Variants in CORO7 observed in about 807,000 individuals in gnomAD.
CORO7 encodes coronin-7.
A neutral mutation model predicts 126.6 loss-of-function variants in CORO7; 107 were observed. The ratio of observed to expected loss-of-function variants is 0.85; its 90% CI spans 0.72 to 0.99. CORO7 has a LOEUF of 0.99. Among genes scored for constraint, CORO7 ranks in the 50% least tolerant of loss-of-function variants. The probability of loss-of-function intolerance (pLI) is 0.00; values close to 1 mark genes in which losing one functional copy is unlikely to be tolerated. For synonymous variants in CORO7, 603 were observed against 536.8 expected (o/e 1.12, Z -1.70); for missense variants, 1,314 against 1,255.8 (o/e 1.05, Z -0.70).
intron 6 of CORO7, among the ~76,000 whole-genome samples, chr16:4,403,202 A>T (rs2055876735): frequency 6.6e-6 from 1 of 152,162 alleles, no homozygotes; most frequent in South Asian, 2.1e-4. Context: ...GCCACAGCTC[A>T]GGACAAGCCC....
chr16:4,405,707 C>G lies in CORO7; in HGVS notation c.488-140G>C, dbSNP rs570953522. 138 of 964,736 alleles carry G rather than the reference C, an allele frequency of 1.4e-4. 2 individuals carry two copies. In the East Asian group the frequency reaches 3.4e-3, roughly 24 times the overall value. The allele number at this position is 964,736 out of a possible 1,614,324, so 59.8% of individuals were successfully genotyped here. A position where few individuals can be genotyped will look rare whatever the true frequency, so the allele number is the denominator to read the frequency against. On this transcript the variant is annotated intron_variant, in intron 5 of 27. Transcript: ENST00000251166. ...TTTTCAGCCAAGGGGGCAAGGGCAG[C>G]AGCTTCTCCCAGACAGGCTTCCCCT...
chr16:4,381,992 C>G, intron 9 of CORO7: 2 of 1,606,958 alleles, frequency 1.2e-6, no homozygotes, highest in Non-Finnish European at 1.7e-6. Context: ...ACAGCCTTGT[C>G]TTCTAGCTTG....
At position 4,388,604 on chromosome 16, in the gene CORO7, C is replaced by G. The variant is rs149365025; in HGVS notation, c.643G>C (p.Asp215His). The G allele has an allele frequency of 1.9e-6, 3 of 1,612,920 alleles. No individual in the cohort carries two copies. In the East Asian group the frequency reaches 6.7e-5, roughly 36 times the overall value. Residue 215 changes from aspartate to histidine, a missense_variant, in exon 8 of 28, where the codon GAT (aspartate) becomes CAT (histidine). Transcript: ENST00000251166. ...GTGCCCATCCATGCCAGCCGGCTAT[C>G]CCTGCTGTTCTCATGGGCCTGCGTG... ...QSTQAHENSR[D>H]SRLAWMGTWE... is the part of the protein sequence containing the mutation.
At chr16:4,386,432 A>G (rs145555874) in intron 9 of CORO7, among the ~76,000 whole-genome samples, 2 of 152,272 alleles carry the variant, frequency 1.3e-5, no homozygotes, top group Non-Finnish European at 2.9e-5. Context: ...GTCCCTTCAC[A>G]CAAATGCCTC....
chr16:4,376,181 T>C (rs1203966985), intron 9 of CORO7, among the ~76,000 whole-genome samples: 2 of 152,124 alleles, frequency 1.3e-5, no homozygotes, highest in Non-Finnish European at 2.9e-5. Context: ...ACCCCTGACC[T>C]CTCTGCCCTG....
chr16:4,362,154 C>T lies in CORO7; in HGVS notation c.1409G>A (p.Ser470Asn), dbSNP rs1300507752. ...LRSLQSLLGP[S>N]SKFRHAQGTV... The stretch of plus-strand genomic sequence containing the variant: ...GCCCTGAGCATGGCGGAACTTGGAA[C>T]TGGGGCCTGGCAGGTGGCAGGGACA... The change falls in exon 16 of 28, where the codon AGT (serine) becomes AAT (asparagine). Residue 470 changes from serine (S) to asparagine (N), a missense_variant. Physicochemically the swap from Ser to Asn is conservative, Grantham distance 46. Coordinates refer to ENST00000251166, the MANE Select transcript of CORO7 (RefSeq NM_024535.5). This position sits in a 1 kb window ranked among gnomAD's most constrained non-coding sequence, Gnocchi z 5.3. 1.2e-6 allele frequency: 2 copies of T among 1,606,848 alleles called. No homozygotes were observed. Among genetic ancestry groups the T allele is most frequent in the Non-Finnish European group, 8.5e-7 (1 of 1,177,564 alleles).
chr16:4,369,853 C>T (rs75345455), intron 9 of CORO7, among the ~76,000 whole-genome samples: 6,185 of 152,236 alleles, frequency 0.041, 187 homozygotes, highest in Non-Finnish European at 0.061. Flanking sequence ...CCTCCACCCC[C>T]ACAGCCCCTA....
At chr16:4,382,261 C>A in intron 9 of CORO7, 2 of 1,608,150 alleles carry the variant, frequency 1.2e-6, no homozygotes, top group Non-Finnish European at 1.7e-6. Context: ...GAGGCCACCA[C>A]GGTCCCTGAC....
At chr16:4,381,702 C>A in intron 9 of CORO7, 1 of 1,607,746 alleles carries the variant, frequency 6.2e-7, no homozygotes, top group Non-Finnish European at 8.5e-7. Context: ...GCAACCTAAG[C>A]CTGCAGGCCC....
intron 9 of CORO7, among the ~76,000 whole-genome samples, chr16:4,370,821 C>CA (rs891602491): frequency 2.0e-5 from 3 of 152,088 alleles, no homozygotes; most frequent in East Asian, 1.9e-4. Flanking sequence ...TTCAGGCCCC[C>CA]CAAAGACTAG....
At chr16:4,401,846 C>A (rs1053421469) in intron 6 of CORO7, among the ~76,000 whole-genome samples, 1 of 152,008 alleles carries the variant, frequency 6.6e-6, no homozygotes, top group East Asian at 1.9e-4. Context: ...GTCCAGATGC[C>A]AACACCACCA....
chr16:4,359,636 G>T lies in CORO7; in HGVS notation c.2109-15C>A, dbSNP rs761275662. On this transcript the variant is annotated splice_polypyrimidine_tract_variant and intron_variant, in intron 21 of 27. Transcript: ENST00000251166. Reference sequence around the variant, plus strand: ...GCTCACTTTGGCTGCAAGGGGGTTTGGGGGCTGAAGCAGGTGTTTCAGAGC... The same window carrying T: ...GCTCACTTTGGCTGCAAGGGGGTTTTGGGGCTGAAGCAGGTGTTTCAGAGC... The T allele has an allele frequency of 1.9e-6, 3 of 1,579,828 alleles. No homozygotes were observed. The highest frequency in any genetic ancestry group is 2.6e-6 in the Non-Finnish European group (3 of 1,161,550).
rs779176046 is a variant in CORO7 at position 4,357,234 on chromosome 16, A to AG, written c.2618dup (p.Ala874CysfsTer16). On this transcript the variant is annotated frameshift_variant, in exon 26 of 28. Coordinates refer to ENST00000251166, the MANE Select transcript of CORO7 (RefSeq NM_024535.5). LOFTEE classifies it high-confidence loss of function. ...GCGCTGAGGATGGGGCCCGACGAGC[A>AG]GGGGCCTCTCGGGGGGCTTGGCTCA... The AG allele has an allele frequency of 5.6e-6, 9 of 1,612,130 alleles. No homozygotes were observed. In the East Asian group the frequency reaches 2.0e-4, roughly 36 times the overall value.
rs1433692817 is a variant in CORO7, at chr16:4,407,763, T to A, written c.304-79A>T. On this transcript the variant is annotated intron_variant, in intron 4 of 27. Transcript: ENST00000251166. ...GTCAGCTGCCGTGACCCCAGTGAGG[T>A]CCCGTGTTGGAACTAGGCTGCTCCA... 7 of 1,460,402 alleles carry A rather than the reference T, an allele frequency of 4.8e-6. No homozygotes were observed. The East Asian group carries it at 7.2e-5, about 15-fold the overall frequency. 90.5% of individuals were successfully genotyped at this position (1,460,402 alleles called of 1,614,324 possible). A position where few individuals can be genotyped will look rare whatever the true frequency, so the allele number is the denominator to read the frequency against.
chr16:4,357,781 T>C, intron 25 of CORO7, 187 bp downstream of exon 25: 3 of 1,028,892 alleles, frequency 2.9e-6, no homozygotes, highest in Non-Finnish European at 4.1e-6. Flanking sequence ...GGTGGGGACC[T>C]GTGATGAAAA....
intron 9 of CORO7, among the ~76,000 whole-genome samples, chr16:4,379,938 G>A (rs1227174912): frequency 1.4e-5 from 2 of 148,028 alleles, no homozygotes; most frequent in African/African-American, 4.9e-5. Flanking sequence ...GGCACCTGTA[G>A]TCCCAGCTAC....
chr16:4,412,277 C>T, intron 3 of CORO7, 79 bp downstream of exon 3: 6 of 1,515,490 alleles, frequency 4.0e-6, no homozygotes, highest in Non-Finnish European at 5.5e-6. Context: ...GGCAGTGGGA[C>T]CAGGTGAGGA....
In CORO7 at chr16:4,362,086, G is replaced by A. The variant is rs1309229398; in HGVS notation, c.1477C>T (p.Leu493Phe). The A allele has an allele frequency of 2.5e-6, 4 of 1,613,080 alleles. No individual in the cohort carries two copies. Among genetic ancestry groups the A allele is most frequent in the Non-Finnish European group, 2.5e-6 (3 of 1,179,964 alleles). The change falls in exon 16 of 28, where the codon CTC (leucine) becomes TTC (phenylalanine). Residue 493 changes from leucine to phenylalanine, a missense_variant. Coordinates refer to ENST00000251166, the MANE Select transcript of CORO7 (RefSeq NM_024535.5). This position sits in a 1 kb window ranked among gnomAD's most constrained non-coding sequence, Gnocchi z 5.3. ...CTCTCACCAGGTGTGGTGAGGTTGAGCCCCTTGAGGTTGGTGATGTGGCTG... is the reference window on the plus strand; with the variant it reads ...CTCTCACCAGGTGTGGTGAGGTTGAACCCCTTGAGGTTGGTGATGTGGCTG... ...RDSHITNLKG[L>F]NLTTPGESDG...
At chr16:4,371,354 G>T (rs898898649) in intron 9 of CORO7, among the ~76,000 whole-genome samples, 1 of 152,196 alleles carries the variant, frequency 6.6e-6, no homozygotes, top group African/African-American at 2.4e-5. Flanking sequence ...TTGAAATTGG[G>T]ATTAGCTACC....
Sources: allele counts gnomAD v4.1 joint callset (sites outside exome capture counted in the v4.1 genomes callset), GRCh38; gene constraint gnomAD v4.1.1; non-coding constraint Gnocchi (gnomAD v3.1); transcripts MANE v1.5; gene names NCBI Gene and HGNC (gene_info 2026-07-23, HGNC 2026-07-21).